RADX: variants seen among roughly 807,000 people sequenced by gnomAD.
RADX encodes RPA1 related single stranded DNA binding protein, X-linked.
Under a neutral mutation model 61.6 loss-of-function variants are expected in RADX, and 36 were observed. That is an observed-to-expected ratio of 0.58 (90% CI 0.45 to 0.77). RADX has a LOEUF of 0.77. Among genes scored for constraint, RADX ranks in the 30% least tolerant of loss-of-function variants. The pLI, the probability that RADX is intolerant of heterozygous loss-of-function variation, is 0.00. For synonymous variants in RADX, 272 were observed against 237.9 expected (o/e 1.14, Z -1.32); for missense variants, 497 against 651.1 (o/e 0.76, Z 2.58).
At chrX:106,636,817 G>A (rs1275307768) in intron 7 of RADX, among the ~76,000 whole-genome samples, 170 bp downstream of exon 7, 3 of 111,655 alleles carry the variant, frequency 2.7e-5, no homozygotes, top group African/African-American at 6.5e-5. Context: ...TGTGAAATAC[G>A]TTGCTTATGG....
intron 13 of RADX, among the ~76,000 whole-genome samples, chrX:106,673,989 C>G (rs1251333718): frequency 1.8e-5 from 2 of 111,021 alleles, no homozygotes; most frequent in Non-Finnish European, 3.8e-5. Context: ...TCCCTCTCCC[C>G]AGGGCACAGA....
At position 106,612,247 on chromosome X, in the gene RADX, C is replaced by T. The variant is rs1926695835; in HGVS notation, c.167C>T (p.Ser56Leu). 8.3e-7 allele frequency: 1 copy of T among 1,209,217 alleles called. No homozygotes were observed. Among genetic ancestry groups the T allele is most frequent in the Admixed American group, 2.2e-5 (1 of 45,725 alleles). ...IQKVLEQIMDSPRQCVTPSEV... is the reference protein window; with the variant it reads ...IQKVLEQIMDLPRQCVTPSEV... ...AAGGTTCTTGAGCAGATTATGGACT[C>T]ACCTCGCCAGTGTGTCACCCCCTCG... Residue 56 changes from serine to leucine, a missense_variant, in exon 1 of 14, where the codon TCA becomes TTA. Transcript: ENST00000372548.
chrX:106,613,834 G>A (rs1362056941), intron 1 of RADX, among the ~76,000 whole-genome samples: 1 of 112,247 alleles, frequency 8.9e-6, no homozygotes, highest in Non-Finnish European at 1.9e-5. Flanking sequence ...TAAGGCAGTA[G>A]TGCATTACTA....
chrX:106,649,370 T>C (rs1927740432), intron 11 of RADX, among the ~76,000 whole-genome samples: 2 of 111,855 alleles, frequency 1.8e-5, no homozygotes, highest in Non-Finnish European at 3.8e-5. Context: ...AAACCATAAT[T>C]GTTCCCAGGT....
At chrX:106,675,105 A>G (rs1045672784) in intron 13 of RADX, among the ~76,000 whole-genome samples, 6 of 111,617 alleles carry the variant, frequency 5.4e-5, no homozygotes, top group African/African-American at 2.0e-4. Context: ...TTTATTGAAT[A>G]CTGATTACTG....
rs765331531 is a variant in RADX at position 106,633,054 on chromosome X, G to A, written c.1180+31G>A. 10 of 1,167,272 alleles carry A rather than the reference G, an allele frequency of 8.6e-6. No individual in the cohort carries two copies. The Middle Eastern group carries it at 1.4e-3, about 169-fold the overall frequency. On this transcript the variant is annotated intron_variant, in intron 5 of 13. Coordinates refer to ENST00000372548, the MANE Select transcript of RADX (RefSeq NM_018015.6). ...CTTTTAAAATTGAAAATCATAAAAA[G>A]TATTTCAGTGAATAATTTTGTGTTC...
chrX:106,665,502 A>G (rs1255390146), intron 12 of RADX, among the ~76,000 whole-genome samples: 1 of 110,769 alleles, frequency 9.0e-6, no homozygotes, highest in Non-Finnish European at 1.9e-5. Flanking sequence ...TAGCTCATGG[A>G]ATGTACAAAA....
chrX:106,636,667 A>T lies in RADX; in HGVS notation c.1408+20A>T, dbSNP rs773626887. The T allele has an allele frequency of 1.1e-6, 1 of 902,901 alleles. No individual in the cohort carries two copies. The highest frequency in any genetic ancestry group is 2.3e-5 in the South Asian group (1 of 43,408). 74.4% of individuals were successfully genotyped at this position (902,901 alleles called of 1,213,427 possible). A position where few individuals can be genotyped will look rare whatever the true frequency, so the allele number is the denominator to read the frequency against. ...TTACTGGTGAGTAATTTCTTTGTGTATATTATTAGAAATATATTTTCTCTT... is the reference window on the plus strand; with the variant it reads ...TTACTGGTGAGTAATTTCTTTGTGTTTATTATTAGAAATATATTTTCTCTT... On this transcript the variant is annotated intron_variant, in intron 7 of 13. Transcript: ENST00000372548.
chrX:106,629,111 CT>C (rs1927145857), intron 3 of RADX, among the ~76,000 whole-genome samples: 1 of 104,887 alleles, frequency 9.5e-6, no homozygotes, highest in African/African-American at 4.1e-5. Context: ...ATAATACACC[CT>C]TTAAAATCTT....
intron 10 of RADX, among the ~76,000 whole-genome samples, chrX:106,641,231 C>T (rs771811586): frequency 1.8e-5 from 2 of 110,399 alleles, no homozygotes; most frequent in Non-Finnish European, 3.8e-5. Context: ...AGGACTTCAT[C>T]ATATGAATTT....
rs1280212450 is a variant in RADX at position 106,648,241 on chromosome X, G to A, written c.1905-72G>A. The A allele has an allele frequency of 4.8e-6, 3 of 621,303 alleles. No homozygotes were observed. In the African/African-American group the frequency reaches 6.7e-5, roughly 14 times the overall value. 51.2% of individuals were successfully genotyped at this position (621,303 alleles called of 1,213,427 possible). On this transcript the variant is annotated intron_variant, in intron 10 of 13. Transcript: ENST00000372548. ...ATTGAATTAAAATAAATTCTGAATAGAACCAGTTGATTTGTTTTTCATTTG... is the reference window on the plus strand; with the variant it reads ...ATTGAATTAAAATAAATTCTGAATAAAACCAGTTGATTTGTTTTTCATTTG...
intron 3 of RADX, among the ~76,000 whole-genome samples, chrX:106,631,831 A>G (rs979695406): frequency 9.3e-6 from 1 of 107,323 alleles, no homozygotes; most frequent in African/African-American, 3.7e-5. Flanking sequence ...AAGAAAGAAA[A>G]GAAAGAAAGA....
chrX:106,633,619 C>A (rs1927292429), intron 6 of RADX, among the ~76,000 whole-genome samples: 1 of 111,566 alleles, frequency 9.0e-6, no homozygotes, highest in Admixed American at 9.6e-5. Context: ...TTAAAGACAT[C>A]GAAGACTTAT....
intron 3 of RADX, among the ~76,000 whole-genome samples, chrX:106,629,401 T>A: frequency 8.9e-6 from 1 of 112,043 alleles, no homozygotes; most frequent in Admixed American, 9.5e-5. Context: ...TTCACATGAC[T>A]AGTAATAGGC....
intron 13 of RADX, among the ~76,000 whole-genome samples, chrX:106,672,812 T>C (rs1164231705): frequency 8.9e-6 from 1 of 111,869 alleles, no homozygotes; most frequent in East Asian, 2.8e-4. Flanking sequence ...TGGTATTGTA[T>C]TGCACTGTAG....
intron 13 of RADX, among the ~76,000 whole-genome samples, chrX:106,677,230 C>T (rs1339158839): frequency 1.8e-5 from 2 of 112,228 alleles, no homozygotes; most frequent in Non-Finnish European, 3.8e-5. Context: ...TAGCAACCTG[C>T]ACCAGAAGTG....
intron 12 of RADX, 119 bp from the exon 13 acceptor site, chrX:106,669,043 CA>C: frequency 3.6e-6 from 2 of 550,918 alleles, no homozygotes; most frequent in Non-Finnish European, 6.1e-6. Context: ...AGTTTTCAAA[CA>C]CAGGTTTTTT....
At chrX:106,617,394 T>C (rs1204531418) in intron 1 of RADX, among the ~76,000 whole-genome samples, 1 of 111,445 alleles carries the variant, frequency 9.0e-6, no homozygotes, top group Non-Finnish European at 1.9e-5. Flanking sequence ...TTTATTATTA[T>C]ACCAGGTTTT....
intron 12 of RADX, among the ~76,000 whole-genome samples, chrX:106,668,117 T>C (rs764909128): frequency 9.4e-4 from 105 of 111,875 alleles, no homozygotes; most frequent in Middle Eastern, 4.6e-3. Context: ...GTATGTTAAG[T>C]TAAATATATG....
Sources: allele counts gnomAD v4.1 joint callset (sites outside exome capture counted in the v4.1 genomes callset), GRCh38; gene constraint gnomAD v4.1.1; transcripts MANE v1.5; gene names NCBI Gene and HGNC (gene_info 2026-07-23, HGNC 2026-07-21).